Variants in EEFSEC observed in about 807,000 individuals in gnomAD.
EEFSEC encodes the protein eukaryotic elongation factor, selenocysteine-tRNA specific.
Under a neutral mutation model 42.1 loss-of-function variants are expected in EEFSEC, and 43 were observed. The observed-to-expected ratio is 1.02, with a 90% CI of 0.80 to 1.32. EEFSEC has a LOEUF of 1.32. Among genes scored for constraint, EEFSEC ranks in the 40% most tolerant of loss-of-function variants. The probability of loss-of-function intolerance (pLI) is 0.00; values close to 1 mark genes in which losing one functional copy is unlikely to be tolerated. For missense variants in EEFSEC, 745 were observed against 803.6 expected (o/e 0.93, Z 0.88); for synonymous variants, 354 against 339.1 (o/e 1.04, Z -0.48).
chr3:128,262,220 T>A lies in EEFSEC; in HGVS notation c.617T>A (p.Ile206Asn), dbSNP rs568685973. 1.2e-6 allele frequency: 2 copies of A among 1,613,940 alleles called. No homozygotes were observed. Among genetic ancestry groups the A allele is most frequent in the East Asian group, 4.5e-5 (2 of 44,876 alleles). ...GCTCCACAGGGCATTCCAGAGCTCA[T>A]TGAGGTACTGTCATCTTGAATCCAG... is the stretch of plus-strand genomic sequence containing the variant. Reference protein sequence around the residue: ...TEAPQGIPELIELLTSQISIP... With the variant: ...TEAPQGIPELNELLTSQISIP... Residue 206 changes from isoleucine to asparagine, a missense_variant, in exon 3 of 7, where the codon ATT becomes AAT. Coordinates refer to ENST00000254730, the MANE Select transcript of EEFSEC (RefSeq NM_021937.5).
At chr3:128,190,120 C>T (rs536700582) in intron 1 of EEFSEC, among the ~76,000 whole-genome samples, 1 of 152,292 alleles carries the variant, frequency 6.6e-6, no homozygotes, top group South Asian at 2.1e-4. Context: ...GCCTCAGCCT[C>T]TCAAAGTGCT....
At chr3:128,155,747 T>C (rs1944369668) in intron 1 of EEFSEC, among the ~76,000 whole-genome samples, 1 of 152,218 alleles carries the variant, frequency 6.6e-6, no homozygotes, top group African/African-American at 2.4e-5. Flanking sequence ...AATGGTGAGC[T>C]TGTTAAGTAC....
intron 4 of EEFSEC, among the ~76,000 whole-genome samples, chr3:128,329,418 C>A (rs911632621): frequency 6.6e-6 from 1 of 152,270 alleles, no homozygotes; most frequent in Non-Finnish European, 1.5e-5. Context: ...CCCCACCCCC[C>A]CCCACCCCCG....
rs568645365 is a variant in EEFSEC at position 128,255,263 on chromosome 3, G to A, written c.525-6865G>A. On this transcript the variant is annotated intron_variant, in intron 2 of 6. Coordinates refer to ENST00000254730, the MANE Select transcript of EEFSEC (RefSeq NM_021937.5). ...CATGAGTGATGAAGAAGGGCCTCTC[G>A]GGGACGTGAAGGATAGTCAAGGGCC... 4.6e-5 allele frequency among the ~76,000 whole-genome samples: 7 copies of A among 152,238 alleles called. No individual in the cohort carries two copies. In the East Asian group the frequency reaches 5.8e-4, roughly 13 times the overall value.
At chr3:128,359,680 C>T (rs1237987079) in intron 6 of EEFSEC, among the ~76,000 whole-genome samples, 1 of 152,210 alleles carries the variant, frequency 6.6e-6, no homozygotes, top group Non-Finnish European at 1.5e-5. Context: ...ACAGGGAACA[C>T]CTTTACCCAC....
rs2068142737 is a variant in EEFSEC at position 128,408,156 on chromosome 3, AGGAGAGCGCCGAGC to A, written c.1693_1706del (p.Ser565ArgfsTer32). On this transcript the variant is annotated frameshift_variant, in exon 7 of 7. Coordinates refer to ENST00000254730, the MANE Select transcript of EEFSEC (RefSeq NM_021937.5). LOFTEE classifies it high-confidence loss of function. Reference sequence around the variant, plus strand: ...GGCCGTGGGGAGGCCACCAGGCAGGAGGAGAGCGCCGAGCGGAGCGAGCCCTCACAGCATGTGGT... The same window carrying A: ...GGCCGTGGGGAGGCCACCAGGCAGGAGGAGCGAGCCCTCACAGCATGTGGT... The A allele has an allele frequency of 5.6e-6, 9 of 1,612,628 alleles. No individual in the cohort carries two copies. Among genetic ancestry groups the A allele is most frequent in the Non-Finnish European group, 6.8e-6 (8 of 1,179,348 alleles).
chr3:128,250,795 T>G (rs1349746660), intron 2 of EEFSEC, among the ~76,000 whole-genome samples: 1 of 152,176 alleles, frequency 6.6e-6, no homozygotes, highest in African/African-American at 2.4e-5. Flanking sequence ...TTTTGATAGG[T>G]ATTGCATTGA....
chr3:128,246,771 T>C lies in EEFSEC; in HGVS notation c.317-65T>C, dbSNP rs2066132033. The C allele has an allele frequency of 2.3e-5, 36 of 1,571,672 alleles. No individual in the cohort carries two copies. In the South Asian group the frequency reaches 3.7e-4, roughly 16 times the overall value. On this transcript the variant is annotated intron_variant, in intron 1 of 6. Coordinates refer to ENST00000254730, the MANE Select transcript of EEFSEC (RefSeq NM_021937.5). ...ACTGCAGTGCTTTGACCTGGGGCAT[T>C]GGGCAACTTTCTGTGGGGCTCACCA...
intron 5 of EEFSEC, among the ~76,000 whole-genome samples, chr3:128,354,226 A>G (rs1240165922): frequency 6.6e-6 from 1 of 152,188 alleles, no homozygotes; most frequent in Non-Finnish European, 1.5e-5. Context: ...CTGCGGACAC[A>G]GAAGTTCGCA....
intron 1 of EEFSEC, among the ~76,000 whole-genome samples, chr3:128,169,864 C>T (rs1302447818): frequency 6.6e-6 from 1 of 152,142 alleles, no homozygotes. Context: ...TGCTCCTTTC[C>T]CTGCATAGCC....
the EEFSEC span, among the ~76,000 whole-genome samples, chr3:128,418,834 C>T: frequency 6.6e-6 from 1 of 152,172 alleles, no homozygotes; most frequent in African/African-American, 2.4e-5. Context: ...GGGTTGGTCA[C>T]CCCTCAACTT....
intron 6 of EEFSEC, among the ~76,000 whole-genome samples, chr3:128,365,976 G>C (rs945690795): frequency 9.9e-5 from 15 of 152,226 alleles, no homozygotes; most frequent in African/African-American, 3.6e-4. Flanking sequence ...CTTCAGCTCA[G>C]CCCAGAAGCT....
At chr3:128,353,557 C>T (rs890757033) in intron 5 of EEFSEC, among the ~76,000 whole-genome samples, 1 of 152,234 alleles carries the variant, frequency 6.6e-6, no homozygotes, top group Non-Finnish European at 1.5e-5. Context: ...CTGGGACTAG[C>T]AGGGATGGGG....
chr3:128,383,847 T>C (rs971138106), intron 6 of EEFSEC, among the ~76,000 whole-genome samples: 1 of 152,152 alleles, frequency 6.6e-6, no homozygotes, highest in Non-Finnish European at 1.5e-5. Context: ...ACATGAGCGG[T>C]GACAGAGAGT....
intron 4 of EEFSEC, among the ~76,000 whole-genome samples, chr3:128,334,079 T>C (rs1054112592): frequency 1.3e-5 from 2 of 152,228 alleles, no homozygotes; most frequent in Non-Finnish European, 2.9e-5. Context: ...GGGAGAGGGC[T>C]GCTGCTGACC....
intron 1 of EEFSEC, among the ~76,000 whole-genome samples, chr3:128,195,394 A>C (rs762579839): frequency 9.9e-5 from 15 of 152,246 alleles, no homozygotes; most frequent in Non-Finnish European, 1.9e-4. Context: ...AGAAATAATT[A>C]AATAGATCTT....
intron 6 of EEFSEC, among the ~76,000 whole-genome samples, chr3:128,361,008 GGA>G (rs1004476528): frequency 1.3e-5 from 2 of 152,084 alleles, no homozygotes; most frequent in African/African-American, 4.8e-5. Context: ...CCAGGTGAAG[GGA>G]GAGAGAGTGC....
intron 6 of EEFSEC, among the ~76,000 whole-genome samples, chr3:128,399,964 G>A (rs921490049): frequency 6.6e-6 from 1 of 152,178 alleles, no homozygotes; most frequent in African/African-American, 2.4e-5. Context: ...GCAGCTCCAT[G>A]AGCCTGGCTG....
At chr3:128,248,123 G>C (rs2066146513) in intron 2 of EEFSEC, among the ~76,000 whole-genome samples, 1 of 152,224 alleles carries the variant, frequency 6.6e-6, no homozygotes, top group South Asian at 2.1e-4. Context: ...TGAGCACAGT[G>C]TTGACAGACC....
Sources: gnomAD v4.1 joint callset for allele counts (sites outside exome capture counted in the v4.1 genomes callset) on GRCh38, gnomAD v4.1.1 for gene constraint, MANE v1.5 for transcripts, NCBI Gene and HGNC (gene_info 2026-07-23, HGNC 2026-07-21) for gene names.